Variants in PAPSS2 observed in about 807,000 individuals in gnomAD.
PAPSS2 encodes 3'-phosphoadenosine 5'-phosphosulfate synthase 2.
In PAPSS2, 61 loss-of-function variants were observed where a neutral mutation model predicts 66.5. The ratio of observed to expected loss-of-function variants is 0.92; its 90% CI spans 0.75 to 1.14. PAPSS2 has a LOEUF of 1.14. PAPSS2 is among the 50% of genes most tolerant of loss of function. The pLI is 0.00. For synonymous variants in PAPSS2, 289 were observed against 287.5 expected, an observed-to-expected ratio of 1.01 and a Z score of -0.05; for missense variants, 708 against 789.6, an observed-to-expected ratio of 0.90 and a Z score of 1.24.
intron 1 of PAPSS2, among the ~76,000 whole-genome samples, chr10:87,704,458 C>T (rs1564717698): frequency 6.6e-6 from 1 of 152,136 alleles, no homozygotes; most frequent in Non-Finnish European, 1.5e-5. Flanking sequence ...CTAGAGGAAA[C>T]AAAACTGTCT....
rs1196822622 is a variant in PAPSS2, at chr10:87,743,362, T to C, written c.1223-11T>C. The C allele has an allele frequency of 6.2e-7, 1 of 1,613,108 alleles. No homozygotes were observed. Among genetic ancestry groups the C allele is most frequent in the South Asian group, 1.1e-5 (1 of 91,034 alleles). ...TTCTGTGACCTTCCTTCTTCTGCTTTCCTCTCCCAGATGCGGTGTTTGCAT... is the reference window on the plus strand; with the variant it reads ...TTCTGTGACCTTCCTTCTTCTGCTTCCCTCTCCCAGATGCGGTGTTTGCAT... On this transcript the variant is annotated splice_polypyrimidine_tract_variant and intron_variant, in intron 10 of 12. Coordinates refer to ENST00000456849, the MANE Select transcript of PAPSS2 (RefSeq NM_001015880.2).
rs773932602 is a variant in PAPSS2 at position 87,713,223 on chromosome 10, A to G, written c.294A>G (p.Glu98=). The change falls in exon 3 of 13, where the codon GAA becomes GAG. Residue 98 remains glutamate (E), a synonymous_variant. Transcript: ENST00000456849. Reference sequence around the variant, plus strand: ...GATTCTCTCCTGGGGACAGAGAGGAAAATATCCGCCGGATTGCTGAGGTGG... The same window carrying G: ...GATTCTCTCCTGGGGACAGAGAGGAGAATATCCGCCGGATTGCTGAGGTGG... ...NLGFSPGDRE[E]NIRRIAEVAK... 6 of 1,609,752 alleles carry G rather than the reference A, an allele frequency of 3.7e-6. No homozygotes were observed. Among genetic ancestry groups the G allele is most frequent in the Non-Finnish European group, 5.1e-6 (6 of 1,178,616 alleles).
chr10:87,736,629 G>A (rs1405448931), intron 9 of PAPSS2, among the ~76,000 whole-genome samples: 1 of 152,004 alleles, frequency 6.6e-6, no homozygotes, highest in Non-Finnish European at 1.5e-5. Context: ...CATTTGTGGG[G>A]CCCAGAGCAA....
intron 1 of PAPSS2, among the ~76,000 whole-genome samples, chr10:87,681,666 G>C (rs972806529): frequency 6.6e-6 from 1 of 151,890 alleles, no homozygotes; most frequent in African/African-American, 2.4e-5. Context: ...TTTTCATTAC[G>C]CTAAAAAGAT....
At chr10:87,712,590 G>A (rs1853475825) in intron 2 of PAPSS2, among the ~76,000 whole-genome samples, 1 of 152,028 alleles carries the variant, frequency 6.6e-6, no homozygotes, top group Admixed American at 6.6e-5. Context: ...TGAGTAGCTG[G>A]GACCACAGGA....
At chr10:87,661,595 C>G (rs890610142) in intron 1 of PAPSS2, among the ~76,000 whole-genome samples, 1 of 151,998 alleles carries the variant, frequency 6.6e-6, no homozygotes, top group Non-Finnish European at 1.5e-5. Flanking sequence ...TAGAAAGGGA[C>G]GAGGTGGTCT....
chr10:87,698,527 C>A (rs988850648), intron 1 of PAPSS2, among the ~76,000 whole-genome samples: 2 of 152,124 alleles, frequency 1.3e-5, no homozygotes, highest in Non-Finnish European at 2.9e-5. Context: ...TCCCTTATAA[C>A]TCAAGAGTAG....
At chr10:87,741,704 T>C (rs1357643605) in intron 10 of PAPSS2, among the ~76,000 whole-genome samples, 1 of 151,860 alleles carries the variant, frequency 6.6e-6, no homozygotes, top group African/African-American at 2.4e-5. Flanking sequence ...CCCTAGTACA[T>C]TTATTAATAT....
chr10:87,696,088 G>A (rs1203942643), intron 1 of PAPSS2, among the ~76,000 whole-genome samples: 4 of 152,122 alleles, frequency 2.6e-5, no homozygotes, highest in Non-Finnish European at 5.9e-5. Flanking sequence ...AGGTCCTGGG[G>A]AATAGCTCCA....
At chr10:87,743,965 A>G (rs7073644) in intron 11 of PAPSS2, among the ~76,000 whole-genome samples, 44,185 of 151,894 alleles carry the variant, frequency 0.29, 6,688 homozygotes, top group Middle Eastern at 0.31. Flanking sequence ...AGCTGGGCAT[A>G]GTGGCATGCC....
intron 8 of PAPSS2, among the ~76,000 whole-genome samples, chr10:87,722,035 C>G (rs762075197): frequency 6.6e-6 from 1 of 152,148 alleles, no homozygotes; most frequent in East Asian, 1.9e-4. Flanking sequence ...TCTAAATTAT[C>G]ATTGTACATT....
chr10:87,722,371 C>G (rs1187861641), intron 8 of PAPSS2, among the ~76,000 whole-genome samples: 1 of 152,166 alleles, frequency 6.6e-6, no homozygotes, highest in African/African-American at 2.4e-5. Flanking sequence ...TGTCATCTAT[C>G]TTTGGTGTTG....
intron 1 of PAPSS2, among the ~76,000 whole-genome samples, chr10:87,707,564 C>CTTTT (rs747152482): frequency 1.9e-4 from 18 of 93,964 alleles, no homozygotes; most frequent in East Asian, 3.1e-4. Context: ...TCTTTTTTTT[C>CTTTT]TTTTTTTTTT....
chr10:87,689,211 A>T (rs1853132152), intron 1 of PAPSS2, among the ~76,000 whole-genome samples: 1 of 146,630 alleles, frequency 6.8e-6, no homozygotes, highest in South Asian at 2.2e-4. Flanking sequence ...ATGGTGGCAC[A>T]TGCCTGCAAT....
intron 1 of PAPSS2, among the ~76,000 whole-genome samples, chr10:87,682,189 A>G (rs1045742182): frequency 6.6e-6 from 1 of 152,224 alleles, no homozygotes; most frequent in Admixed American, 6.5e-5. Context: ...GATCTCTGAC[A>G]TTTACCCATA....
At chr10:87,661,642 AGAGGAGGGTTT>A (rs1852754219) in intron 1 of PAPSS2, among the ~76,000 whole-genome samples, 1 of 152,106 alleles carries the variant, frequency 6.6e-6, no homozygotes, top group African/African-American at 2.4e-5. Flanking sequence ...GAGCCCAGGA[AGAGGAGGGTTT>A]GAGAACAGGG....
intron 2 of PAPSS2, among the ~76,000 whole-genome samples, chr10:87,710,732 A>T (rs1218670851): frequency 6.6e-6 from 1 of 152,196 alleles, no homozygotes; most frequent in Non-Finnish European, 1.5e-5. Flanking sequence ...CGGGCTTGGT[A>T]GCTCTTGCCT....
At chr10:87,731,627 A>G (rs568183702) in intron 9 of PAPSS2, among the ~76,000 whole-genome samples, 9 of 152,336 alleles carry the variant, frequency 5.9e-5, no homozygotes, top group Admixed American at 4.6e-4. Flanking sequence ...TCGTGGGAAG[A>G]GGTTAAATAT....
At chr10:87,675,971 CTTTT>C (rs5786787) in intron 1 of PAPSS2, among the ~76,000 whole-genome samples, 8 of 127,960 alleles carry the variant, frequency 6.3e-5, no homozygotes, top group Middle Eastern at 3.8e-3. Flanking sequence ...TTCCACATTT[CTTTT>C]TTTTTTTTTT....
Sources: gnomAD v4.1 joint callset for allele counts (sites outside exome capture counted in the v4.1 genomes callset) on GRCh38, gnomAD v4.1.1 for gene constraint, MANE v1.5 for transcripts, NCBI Gene and HGNC (gene_info 2026-07-23, HGNC 2026-07-21) for gene names.